The following SYMPK variants were observed in gnomAD, a reference collection of about 807,000 sequenced individuals.
SYMPK encodes the protein symplekin scaffold protein.
SYMPK carries 49 observed loss-of-function variants against 136.4 expected under a neutral mutation model. The ratio of observed to expected loss-of-function variants is 0.36; its 90% confidence interval spans 0.29 to 0.46. The LOEUF (loss-of-function observed/expected upper bound fraction) is 0.46. Among genes scored for constraint, SYMPK ranks in the 20% least tolerant of loss-of-function variants. The pLI is 1.00. For synonymous variants in SYMPK, 766 were observed against 713.0 expected (o/e 1.07, Z -1.19); for missense variants, 1,365 against 1,690.0 (o/e 0.81, Z 3.37).
chr19:45,827,816 C>G (rs1038340009), intron 15 of SYMPK, 21 bp downstream of exon 15: 1 of 1,613,350 alleles, frequency 6.2e-7, no homozygotes, highest in Non-Finnish European at 8.5e-7. Context: ...CCGGGCTGCA[C>G]TGACCAGGGC....
At chr19:45,830,307 C>A in intron 12 of SYMPK, 103 bp from the exon 13 acceptor site, 1 of 1,290,944 alleles carries the variant, frequency 7.7e-7, no homozygotes, top group Non-Finnish European at 1.1e-6. Context: ...ACAGAGATGG[C>A]CCCCATCCCC....
intron 12 of SYMPK, 63 bp downstream of exon 12, chr19:45,831,321 G>A: frequency 7.3e-7 from 1 of 1,363,264 alleles, no homozygotes. Flanking sequence ...ACGCACACGA[G>A]CTGAGAACCA....
chr19:45,827,628 A>C lies in SYMPK; in HGVS notation c.2068-5T>G. 1 of 1,613,438 alleles carries C rather than the reference A, an allele frequency of 6.2e-7. No individual in the cohort carries two copies. The highest frequency in any genetic ancestry group is 8.5e-7 in the Non-Finnish European group (1 of 1,179,370). ...CATGCCCAGATAGGTGCGACTCTGC[A>C]GCAAAAGGAAAGGGACCCGAGCTCA... On this transcript the variant is annotated splice_region_variant and splice_polypyrimidine_tract_variant and intron_variant, in intron 15 of 26. Coordinates refer to ENST00000245934, the MANE Select transcript of SYMPK (RefSeq NM_004819.3).
intron 19 of SYMPK, 59 bp downstream of exon 19, chr19:45,823,708 C>A: frequency 6.7e-7 from 1 of 1,481,726 alleles, no homozygotes; most frequent in Non-Finnish European, 9.4e-7. Context: ...ATCCCCAGGG[C>A]CCGGGGAAGG....
chr19:45,851,871 C>T (rs924228964), intron 5 of SYMPK, among the ~76,000 whole-genome samples: 8 of 152,030 alleles, frequency 5.3e-5, no homozygotes, highest in Non-Finnish European at 7.4e-5. Context: ...AGCGAGACTC[C>T]GTCTCAAAAC....
At chr19:45,826,108 G>C in intron 17 of SYMPK, 118 bp downstream of exon 17, 1 of 1,453,886 alleles carries the variant, frequency 6.9e-7, no homozygotes, top group East Asian at 2.5e-5. Flanking sequence ...GGCTGTCCCA[G>C]TCCTGCCCAT....
intron 9 of SYMPK, among the ~76,000 whole-genome samples, chr19:45,839,641 T>C (rs1165293727): frequency 1.3e-5 from 2 of 151,900 alleles, no homozygotes; most frequent in Non-Finnish European, 2.9e-5. Flanking sequence ...CCATACTGGC[T>C]AACACGGTGA....
At chr19:45,846,011 CA>C (rs1311128194) in intron 7 of SYMPK, among the ~76,000 whole-genome samples, 1 of 152,098 alleles carries the variant, frequency 6.6e-6, no homozygotes, top group Non-Finnish European at 1.5e-5. Context: ...CCGAGGTGGG[CA>C]GATCACGAGG....
At chr19:45,861,881 C>T (rs760178857) in intron 1 of SYMPK, 1 of 151,912 alleles carries the variant, frequency 6.6e-6, no homozygotes, top group Non-Finnish European at 1.5e-5. Flanking sequence ...CCCGTCTCTA[C>T]TAAAAATATA....
At chr19:45,831,306 C>A in intron 12 of SYMPK, 78 bp downstream of exon 12, 1 of 1,235,882 alleles carries the variant, frequency 8.1e-7, no homozygotes, top group Non-Finnish European at 1.1e-6. Flanking sequence ...CACACGCACA[C>A]GCACACGCAC....
chr19:45,843,620 G>A (rs980059668), intron 8 of SYMPK, among the ~76,000 whole-genome samples: 1 of 152,062 alleles, frequency 6.6e-6, no homozygotes, highest in African/African-American at 2.4e-5. Context: ...ACTAGCGCTC[G>A]GGGTCCACCA....
intron 11 of SYMPK, among the ~76,000 whole-genome samples, chr19:45,834,602 C>A (rs1971261211): frequency 6.6e-6 from 1 of 152,112 alleles, no homozygotes; most frequent in African/African-American, 2.4e-5. Context: ...TGCAAATACT[C>A]CAAATCCAAA....
chr19:45,818,244 C>A (rs901784324), intron 22 of SYMPK, 98 bp from the exon 23 acceptor site: 3 of 1,277,126 alleles, frequency 2.3e-6, no homozygotes, highest in East Asian at 2.7e-5. Flanking sequence ...GAGGGGAAGA[C>A]TTCTAAAGCC....
rs754536433 is a variant in SYMPK at position 45,816,304 on chromosome 19, G to A, written c.3355-121C>T. 2.0e-4 allele frequency: 220 copies of A among 1,115,710 alleles called. 1 individual carries two copies. Among genetic ancestry groups the A allele is most frequent in the Non-Finnish European group, 2.6e-4 (209 of 805,998 alleles). The allele number at this position is 1,115,710 out of a possible 1,614,324, so 69.1% of individuals were successfully genotyped here. A position where few individuals can be genotyped will look rare whatever the true frequency, so the allele number is the denominator to read the frequency against. ...TTCACCAAGAGCATGGGGAGGAAGG[G>A]GCAGTTGTCCCCCAGACCCCCAACT... On this transcript the variant is annotated intron_variant, in intron 25 of 26. Transcript: ENST00000245934.
rs975650665 is a variant in SYMPK at position 45,857,097 on chromosome 19, G to A, written c.-12-2590C>T. Among the ~76,000 whole-genome samples the A allele has an allele frequency of 4.6e-5, 7 of 151,750 alleles. No individual in the cohort carries two copies. The South Asian group carries it at 1.2e-3, about 27-fold the overall frequency. On this transcript the variant is annotated intron_variant, in intron 1 of 26. Transcript: ENST00000245934. ...CACGCCACTGCACTCCAGCCTGGAC[G>A]AGAATGAGACTGTCTTAAAAACAAA...
chr19:45,857,434 AC>A (rs1971852512), intron 1 of SYMPK, among the ~76,000 whole-genome samples: 6 of 142,822 alleles, frequency 4.2e-5, no homozygotes, highest in African/African-American at 1.3e-4. Flanking sequence ...AAAAAAAAAA[AC>A]ACACACTAAA....
intron 23 of SYMPK, chr19:45,817,203 C>A: frequency 1.9e-6 from 1 of 524,382 alleles, no homozygotes. Flanking sequence ...ACTCAGCCGC[C>A]TTTTACCAGA....
chr19:45,828,746 CA>C, intron 14 of SYMPK: 1 of 581,218 alleles, frequency 1.7e-6, no homozygotes, highest in South Asian at 2.1e-5. Flanking sequence ...GAGCAAGTGG[CA>C]GAGCTGAGGA....
intron 1 of SYMPK, among the ~76,000 whole-genome samples, chr19:45,857,215 C>G (rs1385020661): frequency 6.6e-6 from 1 of 151,500 alleles, no homozygotes; most frequent in Non-Finnish European, 1.5e-5. Context: ...CGAGACCATC[C>G]TGGCTAACAA....
Sources: allele counts gnomAD v4.1 joint callset (sites outside exome capture counted in the v4.1 genomes callset), GRCh38; gene constraint gnomAD v4.1.1; transcripts MANE v1.5; gene names NCBI Gene and HGNC (gene_info 2026-07-23, HGNC 2026-07-21).